Variants in NEDD1 observed in about 807,000 individuals in gnomAD.
NEDD1 encodes the protein protein NEDD1.
Under a neutral mutation model 74.0 loss-of-function variants are expected in NEDD1, and 33 were observed. The observed-to-expected ratio is 0.45, with a 90% CI of 0.34 to 0.60. The LOEUF is 0.60. NEDD1 is among the 20% of genes least tolerant of loss of function. NEDD1 has a pLI of 0.01. For missense variants in NEDD1, 746 were observed against 776.5 expected (o/e 0.96, Z 0.47); for synonymous variants, 250 against 264.4 (o/e 0.95, Z 0.53).
chr12:96,940,467 T>C lies in NEDD1; in HGVS notation c.1176T>C (p.Asn392=), dbSNP rs752944992. The C allele has an allele frequency of 5.6e-6, 9 of 1,604,056 alleles. No individual in the cohort carries two copies. In the Admixed American group the frequency reaches 1.3e-4, roughly 24 times the overall value. ...CTAAGGAAACAGACAGTGGAAAAAA[T>C]CAGGATTTCTCCAGCTTTGATGATA... ...TLSKETDSGK[N]QDFSSFDDTG... The change falls in exon 10 of 16, where the codon AAT becomes AAC. Residue 392 remains asparagine (N), a synonymous_variant. Coordinates refer to ENST00000266742, the MANE Select transcript of NEDD1 (RefSeq NM_152905.4).
intron 14 of NEDD1, among the ~76,000 whole-genome samples, chr12:96,947,484 T>G (rs545411260): frequency 6.6e-6 from 1 of 152,300 alleles, no homozygotes; most frequent in Admixed American, 6.5e-5. Context: ...GGGACAGTTG[T>G]GAAGGTCTTA....
At chr12:96,921,846 C>G (rs1875136807) in intron 6 of NEDD1, among the ~76,000 whole-genome samples, 1 of 151,050 alleles carries the variant, frequency 6.6e-6, no homozygotes, top group African/African-American at 2.4e-5. Context: ...TAACTCCTGG[C>G]CTCAAGTGAT....
chr12:96,947,209 A>G (rs990368671), intron 14 of NEDD1, among the ~76,000 whole-genome samples: 1 of 152,168 alleles, frequency 6.6e-6, no homozygotes, highest in African/African-American at 2.4e-5. Flanking sequence ...GTGTTAAAGA[A>G]TATACGTTTT....
chr12:96,919,899 C>T (rs1032914256), intron 5 of NEDD1, 86 bp from the exon 6 acceptor site: 1 of 799,646 alleles, frequency 1.3e-6, no homozygotes, highest in Non-Finnish European at 2.0e-6. Flanking sequence ...TTGATAAATA[C>T]ATAATGTATG....
intron 6 of NEDD1, among the ~76,000 whole-genome samples, chr12:96,931,199 A>G: frequency 6.6e-6 from 1 of 152,190 alleles, no homozygotes; most frequent in East Asian, 1.9e-4. Flanking sequence ...TTACTGCTTT[A>G]TAGTGCCTAG....
intron 6 of NEDD1, among the ~76,000 whole-genome samples, chr12:96,921,033 AT>A (rs1032508778): frequency 1.3e-5 from 2 of 152,202 alleles, no homozygotes; most frequent in African/African-American, 4.8e-5. Flanking sequence ...AGAGAAGACT[AT>A]CTGGGAATAA....
chr12:96,952,278 G>T lies in NEDD1; in HGVS notation c.*225G>T. On this transcript the variant is annotated 3_prime_UTR_variant, in exon 16 of 16. Coordinates refer to ENST00000266742, the MANE Select transcript of NEDD1 (RefSeq NM_152905.4). The stretch of plus-strand genomic sequence containing the variant: ...CATCTACCCAATAGGAAAGTCAACA[G>T]GATCTTTATTTTTTGAAAGCTTTAG... 3.6e-6 allele frequency: 1 copy of T among 280,366 alleles called. No homozygotes were observed. The highest frequency in any genetic ancestry group is 5.2e-5 in the Admixed American group (1 of 19,088). 17.4% of individuals were successfully genotyped at this position (280,366 alleles called of 1,614,324 possible).
intron 6 of NEDD1, 98 bp downstream of exon 6, chr12:96,920,223 A>G (rs11830756): frequency 0.34 from 231,669 of 684,342 alleles, 41,178 homozygotes; most frequent in East Asian, 0.4. Context: ...TGCTTGATTG[A>G]AAAACTTCAG....
intron 6 of NEDD1, among the ~76,000 whole-genome samples, chr12:96,923,039 C>G (rs985878551): frequency 1.3e-5 from 2 of 152,010 alleles, no homozygotes; most frequent in African/African-American, 4.8e-5. Context: ...ATCACTTGAG[C>G]CTGGGAGGTT....
At chr12:96,925,881 T>C (rs1875634244) in intron 6 of NEDD1, among the ~76,000 whole-genome samples, 1 of 152,234 alleles carries the variant, frequency 6.6e-6, no homozygotes, top group Non-Finnish European at 1.5e-5. Context: ...TAGGATCTTC[T>C]GATGTAGATT....
rs1391746559 is a variant in NEDD1 at position 96,932,457 on chromosome 12, AAAAAAAATATATATATAT to A, written c.490-2517_490-2500del. 3.2e-3 allele frequency among the ~76,000 whole-genome samples: 41 copies of A among 12,770 alleles called. 2 individuals carry two copies. Among genetic ancestry groups the A allele is most frequent in the Non-Finnish European group, 4.9e-3 (29 of 5,964 alleles). 8.4% of individuals were successfully genotyped at this position (12,770 alleles called of 152,430 possible). A position where few individuals can be genotyped will look rare whatever the true frequency, so the allele number is the denominator to read the frequency against. ...TCCTGTCTCTTAAAAAAAAAAAAAAAAAAAAAATATATATATATATATATATATATAAAATGCACACAC... is the reference window on the plus strand; with the variant it reads ...TCCTGTCTCTTAAAAAAAAAAAAAAAATATATATATATAAAATGCACACAC... On this transcript the variant is annotated intron_variant, in intron 6 of 15. Coordinates refer to ENST00000266742, the MANE Select transcript of NEDD1 (RefSeq NM_152905.4).
intron 6 of NEDD1, chr12:96,924,986 T>C (rs2136543688): frequency 6.3e-6 from 2 of 317,844 alleles, no homozygotes; most frequent in Admixed American, 4.7e-5. Context: ...GTGCTGTATA[T>C]TGTGGGCAGA....
chr12:96,917,491 A>C, intron 4 of NEDD1, 130 bp from the exon 5 acceptor site: 1 of 1,077,352 alleles, frequency 9.3e-7, no homozygotes, highest in African/African-American at 1.6e-5. Flanking sequence ...TCTTTAGTAC[A>C]AGATTAGCAT....
At chr12:96,919,842 A>C (rs1874870845) in intron 5 of NEDD1, 143 bp from the exon 6 acceptor site, 3 of 520,470 alleles carry the variant, frequency 5.8e-6, no homozygotes, top group Non-Finnish European at 1.0e-5. Flanking sequence ...TCATTATTGA[A>C]AATAATTCTC....
intron 14 of NEDD1, among the ~76,000 whole-genome samples, chr12:96,949,790 A>G (rs1878532045): frequency 6.6e-6 from 1 of 152,124 alleles, no homozygotes; most frequent in African/African-American, 2.4e-5. Flanking sequence ...ATGTGCAAAA[A>G]ATGGAATAAT....
chr12:96,921,731 C>T (rs1316630922), intron 6 of NEDD1, among the ~76,000 whole-genome samples: 2 of 150,004 alleles, frequency 1.3e-5, no homozygotes, highest in Admixed American at 6.6e-5. Context: ...ATGATCATGG[C>T]TCACTGCAGC....
intron 6 of NEDD1, among the ~76,000 whole-genome samples, chr12:96,929,341 TC>T (rs1876086406): frequency 1.4e-5 from 2 of 144,108 alleles, no homozygotes; most frequent in Admixed American, 6.9e-5. Context: ...ATGTTTTTTT[TC>T]TTAATGTCTT....
At chr12:96,910,144 TAAAA>T (rs1384814930) in intron 3 of NEDD1, among the ~76,000 whole-genome samples, 1 of 152,120 alleles carries the variant, frequency 6.6e-6, no homozygotes, top group East Asian at 1.9e-4. Context: ...ACACTGCTAT[TAAAA>T]AAAGTATATT....
chr12:96,952,193 C>A lies in NEDD1; in HGVS notation c.*140C>A. 1 of 563,312 alleles carries A rather than the reference C, an allele frequency of 1.8e-6. No homozygotes were observed. The highest frequency in any genetic ancestry group is 3.4e-5 in the Admixed American group (1 of 29,010). 34.9% of individuals were successfully genotyped at this position (563,312 alleles called of 1,614,324 possible). On this transcript the variant is annotated 3_prime_UTR_variant, in exon 16 of 16. Transcript: ENST00000266742. Reference sequence around the variant, plus strand: ...AGTAAAAGGATGATGGGATTTTATACCAACAACTGTTTCATCTTAAAAATA... The same window carrying A: ...AGTAAAAGGATGATGGGATTTTATAACAACAACTGTTTCATCTTAAAAATA...
Sources: gnomAD v4.1 joint callset for allele counts (sites outside exome capture counted in the v4.1 genomes callset) on GRCh38, gnomAD v4.1.1 for gene constraint, MANE v1.5 for transcripts, NCBI Gene and HGNC (gene_info 2026-07-23, HGNC 2026-07-21) for gene names.